RALYL: variants seen among roughly 807,000 people sequenced by gnomAD.
RALYL encodes the protein RALY RNA binding protein like, also known as RNA-binding Raly-like protein.
In RALYL, 29 loss-of-function variants were observed where a neutral mutation model predicts 35.1. The observed-to-expected ratio is 0.83, with a 90% CI of 0.61 to 1.13. The LOEUF (loss-of-function observed/expected upper bound fraction) is 1.13, where lower values mean the gene tolerates loss of function less well. Ranked by LOEUF, RALYL falls within the 50% of genes most tolerant of loss-of-function variation. RALYL has a pLI of 0.00. For synonymous variants in RALYL, 120 were observed against 127.6 expected (o/e 0.94, Z 0.40); for missense variants, 359 against 360.4 (o/e 1.00, Z 0.03).
chr8:84,651,054 C>A (rs192768295), intron 2 of RALYL, among the ~76,000 whole-genome samples: 31 of 151,940 alleles, frequency 2.0e-4, no homozygotes, highest in Non-Finnish European at 4.3e-4. Flanking sequence ...GGGAACATCA[C>A]ACTCTGGGGA....
At chr8:84,882,664 A>G (rs1405621461) in intron 7 of RALYL, among the ~76,000 whole-genome samples, 1 of 151,942 alleles carries the variant, frequency 6.6e-6, no homozygotes, top group African/African-American at 2.4e-5. Flanking sequence ...CACCAGGTAA[A>G]CAAAGATGAA....
At chr8:84,546,523 C>T (rs1393865333) in intron 2 of RALYL, among the ~76,000 whole-genome samples, 1 of 152,186 alleles carries the variant, frequency 6.6e-6, no homozygotes, top group Non-Finnish European at 1.5e-5. Flanking sequence ...CACAACTCTA[C>T]CAATGAGATA....
intron 1 of RALYL, among the ~76,000 whole-genome samples, chr8:84,188,788 C>G (rs2130840147): frequency 6.6e-6 from 1 of 152,222 alleles, no homozygotes; most frequent in East Asian, 1.9e-4. Context: ...TGCTTATCCT[C>G]ATTGCTTTTA....
At position 84,281,088 on chromosome 8, in the gene RALYL, G is replaced by A. The variant is rs190939326; in HGVS notation, c.-24+96664G>A. Among the ~76,000 whole-genome samples, 475 of 152,188 alleles carry A rather than the reference G, an allele frequency of 3.1e-3. 5 individuals are homozygous for A. The highest frequency in any genetic ancestry group is 0.011 in the African/African-American group (460 of 41,532). ...GCACTTTCATTAGCACTGGAAAGTGGTGTTAGCATGACTATACAGAGGTTT... is the reference window on the plus strand; with the variant it reads ...GCACTTTCATTAGCACTGGAAAGTGATGTTAGCATGACTATACAGAGGTTT... On this transcript the variant is annotated intron_variant, in intron 1 of 8. Coordinates refer to ENST00000521268, the MANE Select transcript of RALYL (RefSeq NM_173848.7).
At chr8:84,433,235 T>G (rs1418106940) in intron 1 of RALYL, among the ~76,000 whole-genome samples, 3 of 152,152 alleles carry the variant, frequency 2.0e-5, no homozygotes, top group Non-Finnish European at 4.4e-5. Context: ...GGAAGTTTCT[T>G]TCCACCTCAG....
At chr8:84,756,086 T>C (rs967723681) in intron 2 of RALYL, among the ~76,000 whole-genome samples, 1 of 152,062 alleles carries the variant, frequency 6.6e-6, no homozygotes, top group African/African-American at 2.4e-5. Flanking sequence ...AATATATCCA[T>C]AAAGTAGCAG....
At chr8:84,261,509 T>C (rs181072113) in intron 1 of RALYL, among the ~76,000 whole-genome samples, 2 of 152,296 alleles carry the variant, frequency 1.3e-5, no homozygotes, top group Non-Finnish European at 2.9e-5. Context: ...CTGCCATGAT[T>C]ATATGTTTCC....
chr8:84,740,693 C>T lies in RALYL; in HGVS notation c.257-33886C>T, dbSNP rs530954082. ...ACACATTTATATACTCCTGAATTTG[C>T]GTTATAACTCCAGAGGTTAAAAATG... On this transcript the variant is annotated intron_variant, in intron 2 of 8. Transcript: ENST00000521268. 8.6e-4 allele frequency among the ~76,000 whole-genome samples: 131 copies of T among 152,052 alleles called. 1 individual carries two copies. In the South Asian group the frequency reaches 0.024, roughly 27 times the overall value.
intron 8 of RALYL, among the ~76,000 whole-genome samples, chr8:84,919,619 AAGAG>A (rs1036854165): frequency 6.6e-6 from 1 of 152,180 alleles, no homozygotes; most frequent in South Asian, 2.1e-4. Context: ...GGTAAGGAGA[AAGAG>A]AGGGAAGAGA....
At chr8:84,636,787 C>G (rs999172162) in intron 2 of RALYL, among the ~76,000 whole-genome samples, 2 of 151,812 alleles carry the variant, frequency 1.3e-5, no homozygotes, top group Admixed American at 1.3e-4. Flanking sequence ...GGGACTGATA[C>G]ATATTTTTCA....
At chr8:84,770,782 ATTTCC>A (rs1815284400) in intron 2 of RALYL, among the ~76,000 whole-genome samples, 1 of 151,946 alleles carries the variant, frequency 6.6e-6, no homozygotes, top group Non-Finnish European at 1.5e-5. Flanking sequence ...TTTGATTTGC[ATTTCC>A]CTGATCATTA....
chr8:84,544,557 G>A (rs28377892), intron 2 of RALYL, among the ~76,000 whole-genome samples: 3 of 151,998 alleles, frequency 2.0e-5, no homozygotes, highest in Middle Eastern at 6.9e-3. Context: ...CTGAGGTGAT[G>A]ACTGACCTTC....
intron 4 of RALYL, among the ~76,000 whole-genome samples, chr8:84,813,879 T>G (rs2134134295): frequency 6.6e-6 from 1 of 151,766 alleles, no homozygotes; most frequent in South Asian, 2.1e-4. Flanking sequence ...TTACAGGAGG[T>G]GTATCTCCTA....
rs1587727485 is a variant in RALYL, at chr8:84,489,652, G to A, written c.-23-39647G>A. 2.0e-5 allele frequency among the ~76,000 whole-genome samples: 3 copies of A among 152,112 alleles called. 1 individual carries two copies. In the South Asian group the frequency reaches 6.2e-4, roughly 32 times the overall value. On this transcript the variant is annotated intron_variant, in intron 1 of 8. Transcript: ENST00000521268. The stretch of plus-strand genomic sequence containing the variant: ...AGAGTGCTATGGGATCACCTAGAAA[G>A]AGCAACTGAGGAAATTGTAGATAGC...
At chr8:84,849,909 C>A in intron 4 of RALYL, 71 bp from the exon 5 acceptor site, 1 of 805,420 alleles carries the variant, frequency 1.2e-6, no homozygotes, top group Non-Finnish European at 1.9e-6. Flanking sequence ...TATGCTATAA[C>A]ATCATAAGTT....
At chr8:84,523,599 T>C (rs1369332782) in intron 1 of RALYL, among the ~76,000 whole-genome samples, 1 of 151,764 alleles carries the variant, frequency 6.6e-6, no homozygotes, top group African/African-American at 2.4e-5. Context: ...TGTGCCATGC[T>C]GGTGTGCTGC....
intron 2 of RALYL, among the ~76,000 whole-genome samples, chr8:84,678,250 TTTG>T (rs1476689410): frequency 1.3e-5 from 2 of 151,386 alleles, no homozygotes; most frequent in Admixed American, 1.3e-4. Flanking sequence ...GTATAGTTTT[TTTG>T]TTGTTTTTTT....
chr8:84,335,661 A>G (rs1375951299), intron 1 of RALYL, among the ~76,000 whole-genome samples: 1 of 149,534 alleles, frequency 6.7e-6, no homozygotes, highest in Non-Finnish European at 1.5e-5. Context: ...CATCATTTTG[A>G]CTACCTCAAA....
At chr8:84,224,314 AG>A (rs1341642902) in intron 1 of RALYL, among the ~76,000 whole-genome samples, 1 of 152,188 alleles carries the variant, frequency 6.6e-6, no homozygotes, top group Non-Finnish European at 1.5e-5. Flanking sequence ...ATTCTCAAAA[AG>A]GTGGATGGTG....
Sources: gnomAD v4.1 joint callset for allele counts (sites outside exome capture counted in the v4.1 genomes callset) on GRCh38, gnomAD v4.1.1 for gene constraint, MANE v1.5 for transcripts, NCBI Gene and HGNC (gene_info 2026-07-23, HGNC 2026-07-21) for gene names.